Variants in TAS2R1 observed in about 807,000 individuals in gnomAD.
TAS2R1 encodes the protein taste receptor type 2 member 1.
For synonymous variants in TAS2R1, 141 were observed against 134.2 expected (o/e 1.05, Z -0.35); for missense variants, 370 against 353.4 (o/e 1.05, Z -0.38).
At chr5:9,867,677 T>C in the TAS2R1 span, among the ~76,000 whole-genome samples, 1 of 152,096 alleles carries the variant, frequency 6.6e-6, no homozygotes, top group African/African-American at 2.4e-5. Context: ...CCCTCACATT[T>C]CGAAACCAAT....
chr5:9,828,402 A>G, the TAS2R1 span, among the ~76,000 whole-genome samples: 2 of 152,228 alleles, frequency 1.3e-5, no homozygotes, highest in Non-Finnish European at 2.9e-5. Flanking sequence ...CTGGGATTAC[A>G]GACATGAGTC....
At chr5:9,897,157 A>G in the TAS2R1 span, among the ~76,000 whole-genome samples, 1 of 152,216 alleles carries the variant, frequency 6.6e-6, no homozygotes. Context: ...AAACAAAATA[A>G]CAGCTAGATA....
the TAS2R1 span, among the ~76,000 whole-genome samples, chr5:9,757,789 A>G: frequency 6.6e-6 from 1 of 152,194 alleles, no homozygotes; most frequent in African/African-American, 2.4e-5. Flanking sequence ...AAAGTTTGTT[A>G]GAAAAATGAT....
At chr5:9,810,545 A>G in the TAS2R1 span, among the ~76,000 whole-genome samples, 1 of 152,170 alleles carries the variant, frequency 6.6e-6, no homozygotes, top group East Asian at 1.9e-4. Context: ...ATGAGGAGTA[A>G]GAAGACAGTA....
chr5:9,691,721 C>A (rs1308830644), intron 1 of TAS2R1, among the ~76,000 whole-genome samples: 1 of 152,140 alleles, frequency 6.6e-6, no homozygotes, highest in African/African-American at 2.4e-5. Flanking sequence ...CAGGCGGAAC[C>A]CTTACATGCA....
chr5:9,823,656 A>G, the TAS2R1 span, among the ~76,000 whole-genome samples: 14,618 of 124,878 alleles, frequency 0.12, 837 homozygotes, highest in Middle Eastern at 0.2. Context: ...GAAAGGGAGG[A>G]AGGGAGGGAA....
At chr5:9,898,671 A>G in the TAS2R1 span, among the ~76,000 whole-genome samples, 4 of 152,186 alleles carry the variant, frequency 2.6e-5, no homozygotes, top group African/African-American at 7.2e-5. Flanking sequence ...AGTCCCTTGC[A>G]TGATCAGGAC....
the TAS2R1 span, among the ~76,000 whole-genome samples, chr5:9,842,181 GT>G: frequency 0.06 from 9,066 of 151,782 alleles, 639 homozygotes; most frequent in East Asian, 0.23. Flanking sequence ...TCTTAGTCCT[GT>G]TTTTTGGTGT....
chr5:9,775,031 TCA>T, the TAS2R1 span, among the ~76,000 whole-genome samples: 2 of 152,194 alleles, frequency 1.3e-5, no homozygotes, highest in South Asian at 4.1e-4. Context: ...CAAGATCACC[TCA>T]GTCTCAGGCA....
intron 1 of TAS2R1, among the ~76,000 whole-genome samples, chr5:9,698,966 T>C (rs1741420016): frequency 6.6e-6 from 1 of 152,188 alleles, no homozygotes; most frequent in African/African-American, 2.4e-5. Context: ...ATATTGAAAA[T>C]GGAGTGGCAT....
the TAS2R1 span, among the ~76,000 whole-genome samples, chr5:9,739,519 A>T: frequency 1.3e-5 from 2 of 152,228 alleles, no homozygotes; most frequent in Non-Finnish European, 2.9e-5. Flanking sequence ...ATGCCCTGCT[A>T]ACCCAGCATC....
At chr5:9,709,814 G>A (rs1741695946) in intron 1 of TAS2R1, among the ~76,000 whole-genome samples, 1 of 152,200 alleles carries the variant, frequency 6.6e-6, no homozygotes, top group African/African-American at 2.4e-5. Flanking sequence ...CAGCTAATCT[G>A]CTCCCTAATT....
the TAS2R1 span, among the ~76,000 whole-genome samples, chr5:9,850,987 C>T: frequency 6.6e-6 from 1 of 152,114 alleles, no homozygotes. Context: ...CTGGTGGCAT[C>T]AGTGGACCTG....
the TAS2R1 span, among the ~76,000 whole-genome samples, chr5:9,792,137 TG>T: frequency 2.6e-5 from 4 of 152,178 alleles, no homozygotes; most frequent in East Asian, 7.7e-4. Context: ...GACCTGGATC[TG>T]GAACTTTTTT....
chr5:9,719,935 A>C, the TAS2R1 span, among the ~76,000 whole-genome samples: 25,119 of 135,294 alleles, frequency 0.19, 2,490 homozygotes, highest in Middle Eastern at 0.31. Flanking sequence ...AAAAAAAAAA[A>C]AAACAAAAAC....
chr5:9,806,481 T>C, the TAS2R1 span, among the ~76,000 whole-genome samples: 11 of 152,078 alleles, frequency 7.2e-5, no homozygotes, highest in Non-Finnish European at 1.6e-4. Context: ...AGGCATCACA[T>C]TGCCTGACTT....
the TAS2R1 span, among the ~76,000 whole-genome samples, chr5:9,719,544 A>T: frequency 6.6e-6 from 1 of 152,148 alleles, no homozygotes; most frequent in South Asian, 2.1e-4. Flanking sequence ...GCTTCCTTAA[A>T]TGGGACATCC....
the TAS2R1 span, among the ~76,000 whole-genome samples, chr5:9,884,371 G>A: frequency 4.6e-5 from 7 of 151,568 alleles, no homozygotes; most frequent in Admixed American, 2.6e-4. Flanking sequence ...CTACTCGGGA[G>A]GCTGAGGGAG....
rs140442651 is a variant in TAS2R1 at position 9,629,141 on chromosome 5, A to T, written c.892T>A (p.Cys298Ser). 1.3e-6 allele frequency: 2 copies of T among 1,554,222 alleles called. No individual in the cohort carries two copies. Among genetic ancestry groups the T allele is most frequent in the African/African-American group, 1.4e-5 (1 of 72,688 alleles). ...AKKFLLHSKC[C>S]Q ...CTGATCCAACTTCTCTCTCACTGAC[A>T]GCACTTACTGTGGAGGAGGAACTTT... is the stretch of plus-strand genomic sequence containing the variant. Residue 298 changes from cysteine (C) to serine (S), a missense_variant, in exon 1 of 1, where the codon TGT becomes AGT. Coordinates refer to ENST00000382492, the MANE Select transcript of TAS2R1 (RefSeq NM_019599.3).
Sources: allele counts gnomAD v4.1 joint callset (sites outside exome capture counted in the v4.1 genomes callset), GRCh38; gene constraint gnomAD v4.1.1; transcripts MANE v1.5; gene names NCBI Gene and HGNC (gene_info 2026-07-23, HGNC 2026-07-21).